The following MYLK variants were observed in gnomAD, a reference collection of about 807,000 sequenced individuals.
The protein encoded by MYLK is myosin light chain kinase, smooth muscle.
A neutral mutation model predicts 203.4 loss-of-function variants in MYLK; 106 were observed. The ratio of observed to expected loss-of-function variants is 0.52; its 90% CI spans 0.45 to 0.61. The LOEUF is 0.61. Among genes scored for constraint, MYLK ranks in the 20% least tolerant of loss-of-function variants. The pLI, the probability that MYLK is intolerant of heterozygous loss-of-function variation, is 0.00. For missense variants in MYLK, 2,072 were observed against 2,442.3 expected, an observed-to-expected ratio of 0.85 and a Z score of 3.20; for synonymous variants, 867 against 959.5, an observed-to-expected ratio of 0.90 and a Z score of 1.78.
chr3:123,852,549 T>G (rs2030931283), intron 2 of MYLK, among the ~76,000 whole-genome samples: 1 of 152,216 alleles, frequency 6.6e-6, no homozygotes, highest in African/African-American at 2.4e-5. Context: ...GATGATAGTT[T>G]GTATTTCTGT....
At chr3:123,718,680 C>T (rs2061988244) in intron 13 of MYLK, among the ~76,000 whole-genome samples, 1 of 152,068 alleles carries the variant, frequency 6.6e-6, no homozygotes, top group Non-Finnish European at 1.5e-5. Context: ...AAAGATACAC[C>T]CTCTCACCCT....
chr3:123,695,883 C>T (rs554688271), intron 18 of MYLK, among the ~76,000 whole-genome samples: 1 of 152,166 alleles, frequency 6.6e-6, no homozygotes, highest in African/African-American at 2.4e-5. Context: ...CTCACGGGAC[C>T]ATCGGCCTCC....
chr3:123,627,501 G>A lies in MYLK; in HGVS notation c.5115-560C>T, dbSNP rs530353047. On this transcript the variant is annotated intron_variant, in intron 30 of 33. Coordinates refer to ENST00000360304, the MANE Select transcript of MYLK (RefSeq NM_053025.4). Reference sequence around the variant, plus strand: ...TGAATTATGACTACTTTAGAACTGCGCTGAAACTCACTTCATCTTTCTGAA... The same window carrying A: ...TGAATTATGACTACTTTAGAACTGCACTGAAACTCACTTCATCTTTCTGAA... Among the ~76,000 whole-genome samples the A allele has an allele frequency of 1.9e-4, 29 of 152,158 alleles. 1 individual carries two copies. The highest frequency in any genetic ancestry group is 3.5e-4 in the Non-Finnish European group (24 of 68,030).
intron 33 of MYLK, chr3:123,618,393 T>C: frequency 2.0e-6 from 1 of 500,400 alleles, no homozygotes. Flanking sequence ...TAGTGGCTGA[T>C]GTAAGTAGGT....
intron 4 of MYLK, among the ~76,000 whole-genome samples, chr3:123,785,919 C>T (rs922767562): frequency 2.0e-5 from 3 of 152,070 alleles, no homozygotes; most frequent in Admixed American, 6.5e-5. Context: ...TCCTATTGGA[C>T]AATGCAATTC....
chr3:123,820,512 C>T (rs1331398377), intron 3 of MYLK, among the ~76,000 whole-genome samples: 7 of 152,226 alleles, frequency 4.6e-5, no homozygotes, highest in African/African-American at 1.7e-4. Flanking sequence ...CCTACCACTA[C>T]TTCCACTGCC....
Position 123,739,946 on chromosome 3 carries a change from G to A in MYLK, c.422+7C>T. On this transcript the variant is annotated splice_region_variant and intron_variant, in intron 6 of 33. Transcript: ENST00000360304. ...CCCTTACTCTGTCTTGAACATCCAG[G>A]ACTTACCCTAAGGTTTTGGAAACAA... 6.2e-7 allele frequency: 1 copy of A among 1,613,868 alleles called. No individual in the cohort carries two copies. The highest frequency in any genetic ancestry group is 8.5e-7 in the Non-Finnish European group (1 of 1,179,800).
chr3:123,696,763 T>C (rs1291515449), intron 18 of MYLK, among the ~76,000 whole-genome samples: 2 of 152,220 alleles, frequency 1.3e-5, no homozygotes, highest in Admixed American at 1.3e-4. Context: ...GTATTTGTCT[T>C]TTGGGCACAG....
rs756479350 is a variant in MYLK at position 123,620,222 on chromosome 3, T to C, written c.5353A>G (p.Lys1785Glu). 17 of 1,614,164 alleles carry C rather than the reference T, an allele frequency of 1.1e-5. No homozygotes were observed. The highest frequency in any genetic ancestry group is 1.4e-5 in the Non-Finnish European group (17 of 1,180,012). ...TCCTCCTTACCTTCAGATTCTAGTT[T>C]TTCTGCATTGAGCGGGCTGGTTGGT... Reference protein sequence around the residue: ...GSPTSPLNAEKLESEEDVSQA... With the variant: ...GSPTSPLNAEELESEEDVSQA... The change falls in exon 32 of 34, where the codon AAA becomes GAA. Residue 1785 changes from lysine to glutamate, a missense_variant. Physicochemically the swap from Lys to Glu is moderately conservative, Grantham distance 56. Transcript: ENST00000360304.
chr3:123,770,203 A>T (rs983557941), intron 4 of MYLK, among the ~76,000 whole-genome samples: 6 of 151,962 alleles, frequency 3.9e-5, no homozygotes, highest in Non-Finnish European at 8.8e-5. Flanking sequence ...GGGCACCTGT[A>T]ATCCCAGATA....
At chr3:123,660,622 A>G (rs1381799584) in intron 23 of MYLK, among the ~76,000 whole-genome samples, 1 of 152,228 alleles carries the variant, frequency 6.6e-6, no homozygotes, top group Non-Finnish European at 1.5e-5. Context: ...GGGAAAGGCT[A>G]GTTTTTATTA....
Position 123,638,175 on chromosome 3 carries a change from C to T in MYLK, c.4857G>A (p.Lys1619=), listed in dbSNP as rs1041493684. 8 of 1,613,844 alleles carry T rather than the reference C, an allele frequency of 5.0e-6. No homozygotes were observed. In the African/African-American group the frequency reaches 8.0e-5, roughly 16 times the overall value. The part of the protein sequence containing the change: ...ARRLENAGSL[K]VLFGTPEFVA... ...CAAATTCTGGGGTGCCAAAGAGGAC[C>T]TTCAGAGACCCCGCATTCTCTGAAA... The change falls in exon 29 of 34, where the codon AAG becomes AAA. Residue 1619 remains lysine, a synonymous_variant. Coordinates refer to ENST00000360304, the MANE Select transcript of MYLK (RefSeq NM_053025.4).
chr3:123,711,476 G>C (rs1560114973), intron 13 of MYLK, among the ~76,000 whole-genome samples: 2 of 152,198 alleles, frequency 1.3e-5, no homozygotes, highest in South Asian at 4.1e-4. Context: ...TCAGTTTCTT[G>C]TGGAGGTGGG....
intron 1 of MYLK, among the ~76,000 whole-genome samples, chr3:123,879,296 A>C (rs546057097): frequency 6.6e-6 from 1 of 152,192 alleles, no homozygotes; most frequent in African/African-American, 2.4e-5. Context: ...CCCAAAATAA[A>C]CCTCAGGACA....
intron 19 of MYLK, among the ~76,000 whole-genome samples, chr3:123,683,102 G>A (rs1244227741): frequency 6.6e-6 from 1 of 152,112 alleles, no homozygotes; most frequent in Admixed American, 6.5e-5. Context: ...GGACACTATG[G>A]GGAAACCATC....
At chr3:123,679,079 C>T (rs1037788622) in intron 20 of MYLK, among the ~76,000 whole-genome samples, 13 of 152,188 alleles carry the variant, frequency 8.5e-5, no homozygotes, top group Admixed American at 2.6e-4. Context: ...GAGGCTGAGG[C>T]GGGCGGATCA....
In MYLK at chr3:123,692,447, A is replaced by G. The variant is rs939086666; in HGVS notation, c.3565+288T>C. The G allele has an allele frequency of 3.3e-6, 4 of 1,213,676 alleles. No individual in the cohort carries two copies. In the African/African-American group the frequency reaches 4.6e-5, roughly 14 times the overall value. 75.2% of individuals were successfully genotyped at this position (1,213,676 alleles called of 1,614,324 possible). A position where few individuals can be genotyped will look rare whatever the true frequency, so the allele number is the denominator to read the frequency against. On this transcript the variant is annotated intron_variant, in intron 19 of 33. Coordinates refer to ENST00000360304, the MANE Select transcript of MYLK (RefSeq NM_053025.4). ...TGTCTTTTCTACTGCCCAGTGCCCC[A>G]GCTTCCCAGCTCAGAAGGTTCTGGG...
chr3:123,805,765 G>A (rs538158584), intron 3 of MYLK, among the ~76,000 whole-genome samples: 12 of 152,228 alleles, frequency 7.9e-5, no homozygotes, highest in East Asian at 1.9e-4. Flanking sequence ...CTGGATGACC[G>A]TGGGTGATTT....
At chr3:123,863,853 T>A (rs1016839604) in intron 2 of MYLK, among the ~76,000 whole-genome samples, 9 of 152,332 alleles carry the variant, frequency 5.9e-5, no homozygotes, top group Non-Finnish European at 1.2e-4. Context: ...CCTAGATATT[T>A]ACCCAAGAGA....
Sources: gnomAD v4.1 joint callset for allele counts (sites outside exome capture counted in the v4.1 genomes callset) on GRCh38, gnomAD v4.1.1 for gene constraint, MANE v1.5 for transcripts, NCBI Gene and HGNC (gene_info 2026-07-23, HGNC 2026-07-21) for gene names.